KITLG: variants seen among roughly 807,000 people sequenced by gnomAD.
The protein encoded by KITLG is KIT ligand, also known as c-Kit ligand.
KITLG carries 13 observed loss-of-function variants against 34.1 expected under a neutral mutation model. The observed-to-expected ratio is 0.38, with a 90% confidence interval of 0.25 to 0.61. The LOEUF is 0.61. KITLG is among the 20% of genes least tolerant of loss of function. The pLI, the probability that KITLG is intolerant of heterozygous loss-of-function variation, is 0.60. For missense variants in KITLG, 292 were observed against 318.9 expected (o/e 0.92, Z 0.64); for synonymous variants, 110 against 104.0 (o/e 1.06, Z -0.35).
rs1592593907 is a variant in KITLG at position 88,580,453 on chromosome 12, G to C, written c.-175C>G. On this transcript the variant is annotated 5_prime_UTR_variant, in exon 1 of 10. Coordinates refer to ENST00000644744, the MANE Select transcript of KITLG (RefSeq NM_000899.5). ...TTCCCGCAGCGCTTCTAGTCTCGGC[G>C]CGAGGCGGCGAGCGAAGCCCGGCTG... 1.3e-6 allele frequency: 1 copy of C among 773,696 alleles called. No homozygotes were observed. Among genetic ancestry groups the C allele is most frequent in the Non-Finnish European group, 2.1e-6 (1 of 476,628 alleles). The allele number at this position is 773,696 out of a possible 1,614,324, so 47.9% of individuals were successfully genotyped here. A position where few individuals can be genotyped will look rare whatever the true frequency, so the allele number is the denominator to read the frequency against.
chr12:88,528,765 T>C (rs1869972018), intron 3 of KITLG, among the ~76,000 whole-genome samples: 1 of 152,216 alleles, frequency 6.6e-6, no homozygotes, highest in African/African-American at 2.4e-5. Context: ...TGAGGCAGAA[T>C]GTTAAAAATA....
rs1870102647 is a variant in KITLG at position 88,531,811 on chromosome 12, TG to T, written c.192+629del. On this transcript the variant is annotated intron_variant, in intron 3 of 9. Coordinates refer to ENST00000644744, the MANE Select transcript of KITLG (RefSeq NM_000899.5). Reference sequence around the variant, plus strand: ...TACTTTGGAAGTACAGATGGCCCTCTGTATCCACGGATTCAACCAACCAAAG... The same window carrying T: ...TACTTTGGAAGTACAGATGGCCCTCTTATCCACGGATTCAACCAACCAAAG... Among the ~76,000 whole-genome samples the T allele has an allele frequency of 7.2e-5, 11 of 152,260 alleles. No homozygotes were observed. In the South Asian group the frequency reaches 2.1e-3, roughly 29 times the overall value.
chr12:88,558,833 A>C (rs1339534345), intron 1 of KITLG, among the ~76,000 whole-genome samples: 4 of 152,198 alleles, frequency 2.6e-5, no homozygotes, highest in Non-Finnish European at 5.9e-5. Context: ...TTATATTGTT[A>C]AAGAAAACAA....
chr12:88,516,498 A>G lies in KITLG; in HGVS notation c.364-8T>C, dbSNP rs775584236. 38 of 1,581,566 alleles carry G rather than the reference A, an allele frequency of 2.4e-5. No homozygotes were observed. The highest frequency in any genetic ancestry group is 2.3e-4 in the South Asian group (20 of 88,426). ...GAATGATTTTTTTAGATCCTAGAAG[A>G]AAAAATAGGATTACATTTTTCAAAT... On this transcript the variant is annotated splice_region_variant and splice_polypyrimidine_tract_variant and intron_variant, in intron 4 of 9. Coordinates refer to ENST00000644744, the MANE Select transcript of KITLG (RefSeq NM_000899.5).
At chr12:88,567,815 T>C (rs1044261445) in intron 1 of KITLG, among the ~76,000 whole-genome samples, 1 of 152,158 alleles carries the variant, frequency 6.6e-6, no homozygotes, top group African/African-American at 2.4e-5. Flanking sequence ...TTAGACACTA[T>C]TATAAACCTC....
chr12:88,528,836 G>A (rs922811506), intron 3 of KITLG, among the ~76,000 whole-genome samples: 3 of 152,202 alleles, frequency 2.0e-5, no homozygotes, highest in Middle Eastern at 3.4e-3. Flanking sequence ...TTCTTGCAAC[G>A]TTTTTGTAAA....
intron 1 of KITLG, among the ~76,000 whole-genome samples, chr12:88,577,071 A>G (rs1331353005): frequency 6.6e-6 from 1 of 152,182 alleles, no homozygotes; most frequent in Admixed American, 6.5e-5. Flanking sequence ...GAATGTATCA[A>G]TTAAAAGCTA....
At chr12:88,552,609 T>A (rs958056153) in intron 1 of KITLG, among the ~76,000 whole-genome samples, 1 of 152,200 alleles carries the variant, frequency 6.6e-6, no homozygotes, top group Admixed American at 6.5e-5. Flanking sequence ...GGTCAAGCTA[T>A]TCCAAATGAG....
chr12:88,528,090 A>G (rs1869946342), intron 3 of KITLG, among the ~76,000 whole-genome samples: 1 of 152,216 alleles, frequency 6.6e-6, no homozygotes, highest in African/African-American at 2.4e-5. Flanking sequence ...ATAGGCTAAT[A>G]CCAAGGTATT....
At chr12:88,572,596 TA>T (rs1416863906) in intron 1 of KITLG, among the ~76,000 whole-genome samples, 1,081 of 6,574 alleles carry the variant, frequency 0.16, 14 homozygotes, top group Admixed American at 0.25. Flanking sequence ...TATACATTAT[TA>T]TATATATATA....
chr12:88,509,938 T>C (rs1869211400), intron 6 of KITLG, among the ~76,000 whole-genome samples: 1 of 152,122 alleles, frequency 6.6e-6, no homozygotes. Flanking sequence ...GGGACAAAAC[T>C]TAAGCTGACA....
rs1868633922 is a variant in KITLG at position 88,496,148 on chromosome 12, C to A, written c.*1071G>T. 1 of 152,074 alleles carries A rather than the reference C, an allele frequency of 6.6e-6. No homozygotes were observed. Among genetic ancestry groups the A allele is most frequent in the Non-Finnish European group, 1.5e-5 (1 of 68,012 alleles). 9.4% of individuals were successfully genotyped at this position (152,074 alleles called of 1,614,324 possible). A position where few individuals can be genotyped will look rare whatever the true frequency, so the allele number is the denominator to read the frequency against. Reference sequence around the variant, plus strand: ...ATAATGGTGATTATACTATAAATAACTAAAGTTTCCTGATTCCTTGCATTA... The same window carrying A: ...ATAATGGTGATTATACTATAAATAAATAAAGTTTCCTGATTCCTTGCATTA... On this transcript the variant is annotated 3_prime_UTR_variant, in exon 10 of 10. Transcript: ENST00000644744.
chr12:88,506,726 T>A (rs2050554558), intron 7 of KITLG, among the ~76,000 whole-genome samples: 1 of 152,188 alleles, frequency 6.6e-6, no homozygotes, highest in African/African-American at 2.4e-5. Context: ...AAATAGCAGA[T>A]AATACAAATG....
At chr12:88,508,851 T>A (rs1256681105) in intron 6 of KITLG, among the ~76,000 whole-genome samples, 1 of 152,204 alleles carries the variant, frequency 6.6e-6, no homozygotes, top group African/African-American at 2.4e-5. Flanking sequence ...ATAACAGAGC[T>A]ATTTTAAGGA....
intron 6 of KITLG, among the ~76,000 whole-genome samples, chr12:88,514,399 T>C (rs932681940): frequency 4.6e-5 from 7 of 151,712 alleles, no homozygotes; most frequent in Middle Eastern, 6.8e-3. Flanking sequence ...AATCCATAGT[T>C]GGTAAGAAAA....
At chr12:88,524,290 A>G (rs1042961682) in intron 3 of KITLG, among the ~76,000 whole-genome samples, 11 of 152,226 alleles carry the variant, frequency 7.2e-5, no homozygotes, top group Admixed American at 5.9e-4. Flanking sequence ...AGTCAATAAT[A>G]TCACCCTATT....
At chr12:88,517,165 A>G (rs1268128612) in intron 4 of KITLG, among the ~76,000 whole-genome samples, 1 of 151,994 alleles carries the variant, frequency 6.6e-6, no homozygotes, top group Non-Finnish European at 1.5e-5. Flanking sequence ...AGTGGAGTTC[A>G]ATTCAAGAGA....
chr12:88,508,244 A>G (rs2120812831), intron 6 of KITLG, among the ~76,000 whole-genome samples: 1 of 152,212 alleles, frequency 6.6e-6, no homozygotes, highest in South Asian at 2.1e-4. Flanking sequence ...CACATCTCCC[A>G]CAAGGGTCTC....
chr12:88,550,741 G>A (rs10858758), intron 1 of KITLG, among the ~76,000 whole-genome samples: 101,929 of 151,998 alleles, frequency 0.67, 37,331 homozygotes, highest in Middle Eastern at 0.87. Context: ...CTGTTAGATG[G>A]TTTGTGAGAA....
Sources: allele counts gnomAD v4.1 joint callset (sites outside exome capture counted in the v4.1 genomes callset), GRCh38; gene constraint gnomAD v4.1.1; transcripts MANE v1.5; gene names NCBI Gene and HGNC (gene_info 2026-07-23, HGNC 2026-07-21).